Variants in GRIK4 observed in about 807,000 individuals in gnomAD.
The protein encoded by GRIK4 is glutamate ionotropic receptor kainate type subunit 4, also known as glutamate receptor ionotropic, kainate 4.
In GRIK4, 40 loss-of-function variants were observed where a neutral mutation model predicts 104.9. That is an observed-to-expected ratio of 0.38 (90% CI 0.30 to 0.50). The LOEUF is 0.50. Ranked by LOEUF, GRIK4 falls within the 20% of genes least tolerant of loss-of-function variation. The probability of loss-of-function intolerance (pLI) is 0.93; values close to 1 mark genes in which losing one functional copy is unlikely to be tolerated. For missense variants in GRIK4, 1,047 were observed against 1,308.1 expected, an observed-to-expected ratio of 0.80 and a Z score of 3.08; for synonymous variants, 485 against 524.9, an observed-to-expected ratio of 0.92 and a Z score of 1.04.
At chr11:120,804,671 AT>A (rs1340044681) in intron 4 of GRIK4, among the ~76,000 whole-genome samples, 3 of 152,254 alleles carry the variant, frequency 2.0e-5, no homozygotes, top group Non-Finnish European at 4.4e-5. Context: ...AGGAAATAAG[AT>A]AGATGTGCTC....
intron 9 of GRIK4, chr11:120,872,351 T>C (rs1954630912): frequency 5.4e-6 from 1 of 186,230 alleles, no homozygotes; most frequent in African/African-American, 2.3e-5. Flanking sequence ...TGTCTCACAC[T>C]GCTTACACTC....
At position 120,967,291 on chromosome 11, in the gene GRIK4, A is replaced by G. The variant is rs1446051884; in HGVS notation, c.2363A>G (p.Lys788Arg). ...AAGCGCAAATGGTGGGAAGGAGGGA[A>G]GTGCCCCAAGGAGGAAGATCACAGA... ...ILKRKWWEGG[K>R]CPKEEDHRAK... Residue 788 changes from lysine (K) to arginine (R), a missense_variant, in exon 19 of 21, where the codon AAG becomes AGG. Lys to Arg is a conservative substitution (Grantham distance 26). Transcript: ENST00000527524. This position sits in a 1 kb window ranked among gnomAD's most constrained non-coding sequence, Gnocchi z 4.2. The G allele has an allele frequency of 6.2e-7, 1 of 1,613,932 alleles. No individual in the cohort carries two copies. The highest frequency in any genetic ancestry group is 8.5e-7 in the Non-Finnish European group (1 of 1,179,878).
chr11:120,948,143 C>G (rs1167702025), intron 14 of GRIK4, among the ~76,000 whole-genome samples: 3 of 152,204 alleles, frequency 2.0e-5, no homozygotes, highest in Non-Finnish European at 4.4e-5. Flanking sequence ...CTCCTCCTGC[C>G]TCTCCCAGAA....
chr11:120,668,307 G>T (rs1435348253), intron 3 of GRIK4, among the ~76,000 whole-genome samples: 1 of 136,886 alleles, frequency 7.3e-6, no homozygotes, highest in Non-Finnish European at 1.6e-5. Flanking sequence ...AAAAAGAAAA[G>T]AAAAGAAGAA....
intron 1 of GRIK4, among the ~76,000 whole-genome samples, chr11:120,622,265 A>G (rs1949199100): frequency 1.3e-5 from 2 of 152,156 alleles, no homozygotes; most frequent in Admixed American, 6.5e-5. Context: ...GGTACATTTA[A>G]TTTTCACAAC....
intron 12 of GRIK4, among the ~76,000 whole-genome samples, chr11:120,899,295 C>T (rs7106442): frequency 0.29 from 43,203 of 151,438 alleles, 8,672 homozygotes; most frequent in African/African-American, 0.56. Flanking sequence ...GTGGCACACG[C>T]CTGAAATTCC....
intron 3 of GRIK4, among the ~76,000 whole-genome samples, chr11:120,664,321 G>C (rs951116800): frequency 1.3e-5 from 2 of 152,220 alleles, no homozygotes; most frequent in East Asian, 3.8e-4. Context: ...AGCTTTGGCA[G>C]TAATAATAAA....
chr11:120,790,931 C>T (rs1325521810), intron 3 of GRIK4, among the ~76,000 whole-genome samples: 1 of 152,008 alleles, frequency 6.6e-6, no homozygotes, highest in African/African-American at 2.4e-5. Context: ...GAAAGAGCCC[C>T]CAATTCAATA....
intron 1 of GRIK4, among the ~76,000 whole-genome samples, chr11:120,518,455 A>AT (rs1162669975): frequency 6.6e-6 from 1 of 151,840 alleles, no homozygotes; most frequent in East Asian, 1.9e-4. Context: ...AGCTATATAT[A>AT]TTTTTTTTAA....
chr11:120,681,016 C>T lies in GRIK4; in HGVS notation c.82+20616C>T, dbSNP rs529240940. 3.3e-5 allele frequency among the ~76,000 whole-genome samples: 5 copies of T among 152,230 alleles called. No individual in the cohort carries two copies. In the South Asian group the frequency reaches 6.2e-4, roughly 19 times the overall value. ...CCCTGCACTGCCTGGCCCTGATGCCCGACTCCACCCAAGGAAGACCACCCC... is the reference window on the plus strand; with the variant it reads ...CCCTGCACTGCCTGGCCCTGATGCCTGACTCCACCCAAGGAAGACCACCCC... On this transcript the variant is annotated intron_variant, in intron 3 of 20. Coordinates refer to ENST00000527524, the MANE Select transcript of GRIK4 (RefSeq NM_014619.5).
At chr11:120,711,908 A>C (rs979972472) in intron 3 of GRIK4, among the ~76,000 whole-genome samples, 2 of 152,218 alleles carry the variant, frequency 1.3e-5, no homozygotes, top group African/African-American at 2.4e-5. Context: ...ACTGAATCCT[A>C]CCCATTCCGT....
chr11:120,878,363 G>T (rs1039530547), intron 11 of GRIK4, among the ~76,000 whole-genome samples: 4 of 152,146 alleles, frequency 2.6e-5, no homozygotes, highest in African/African-American at 9.7e-5. Flanking sequence ...TTACAGTGCA[G>T]GTGGTCCACA....
intron 1 of GRIK4, among the ~76,000 whole-genome samples, chr11:120,630,550 G>A (rs558110370): frequency 4.5e-4 from 68 of 152,244 alleles, no homozygotes; most frequent in Admixed American, 7.2e-4. Flanking sequence ...AGCAGACGCC[G>A]GCCTCCTCTT....
At chr11:120,612,817 G>T (rs1164506130) in intron 1 of GRIK4, among the ~76,000 whole-genome samples, 2 of 152,220 alleles carry the variant, frequency 1.3e-5, no homozygotes, top group Admixed American at 1.3e-4. Context: ...CTGACTCTGG[G>T]TGGGTCAGAC....
chr11:120,849,151 C>T (rs1337955309), intron 8 of GRIK4, among the ~76,000 whole-genome samples: 1 of 151,946 alleles, frequency 6.6e-6, no homozygotes, highest in Non-Finnish European at 1.5e-5. Context: ...CTTGTATCTG[C>T]CCCCAACGCG....
At chr11:120,571,713 C>G (rs939138452) in intron 1 of GRIK4, among the ~76,000 whole-genome samples, 1 of 152,068 alleles carries the variant, frequency 6.6e-6, no homozygotes, top group Admixed American at 6.5e-5. Flanking sequence ...CTTGCCAGCC[C>G]CCATTGTGGA....
At chr11:120,653,133 C>A (rs1949644789) in intron 1 of GRIK4, among the ~76,000 whole-genome samples, 1 of 152,198 alleles carries the variant, frequency 6.6e-6, no homozygotes, top group African/African-American at 2.4e-5. Context: ...TTATGTGTAG[C>A]TGCTGCATGC....
At chr11:120,809,790 C>A (rs1036193424) in intron 4 of GRIK4, among the ~76,000 whole-genome samples, 1 of 152,132 alleles carries the variant, frequency 6.6e-6, no homozygotes, top group African/African-American at 2.4e-5. Context: ...AGGGGCTGGG[C>A]GTGGTGGCTC....
At chr11:120,950,659 G>A (rs1355655326) in intron 14 of GRIK4, among the ~76,000 whole-genome samples, 1 of 152,128 alleles carries the variant, frequency 6.6e-6, no homozygotes, top group South Asian at 2.1e-4. Context: ...AGGCATGATC[G>A]GCTCCTTTAC....
Sources: allele counts gnomAD v4.1 joint callset (sites outside exome capture counted in the v4.1 genomes callset), GRCh38; gene constraint gnomAD v4.1.1; non-coding constraint Gnocchi (gnomAD v3.1); transcripts MANE v1.5; gene names NCBI Gene and HGNC (gene_info 2026-07-23, HGNC 2026-07-21).